Variants in RAPGEF6 observed in about 807,000 individuals in gnomAD.
RAPGEF6 encodes PDZ domain containing guanine nucleotide exchange factor (GEF) 2.
In RAPGEF6, 56 loss-of-function variants were observed where a neutral mutation model predicts 171.4. That is an observed-to-expected ratio of 0.33 (90% CI 0.26 to 0.41). The LOEUF (loss-of-function observed/expected upper bound fraction) is 0.41, where lower values mean the gene tolerates loss of function less well. Among genes scored for constraint, RAPGEF6 ranks in the 10% least tolerant of loss-of-function variants. The pLI is 1.00. For synonymous variants in RAPGEF6, 692 were observed against 650.1 expected (o/e 1.06, Z -0.98); for missense variants, 1,674 against 1,921.4 (o/e 0.87, Z 2.41).
chr5:131,450,380 T>C (rs188163537), intron 21 of RAPGEF6, among the ~76,000 whole-genome samples: 115 of 152,290 alleles, frequency 7.6e-4, no homozygotes, highest in South Asian at 6.4e-3. Flanking sequence ...GAATTCAAAG[T>C]TTTTAAGGGA....
chr5:131,508,707 G>A (rs1326538830), intron 8 of RAPGEF6, among the ~76,000 whole-genome samples: 1 of 152,168 alleles, frequency 6.6e-6, no homozygotes, highest in Non-Finnish European at 1.5e-5. Context: ...AAATGTTTAT[G>A]AGTGCCTCAG....
At chr5:131,557,274 G>A (rs1474632667) in intron 5 of RAPGEF6, among the ~76,000 whole-genome samples, 21 of 152,004 alleles carry the variant, frequency 1.4e-4, no homozygotes, top group Admixed American at 1.4e-3. Flanking sequence ...AACTTTTTAA[G>A]GTTTTCTGTG....
intron 17 of RAPGEF6, among the ~76,000 whole-genome samples, chr5:131,470,037 T>A (rs1023979448): frequency 1.3e-5 from 2 of 152,198 alleles, no homozygotes; most frequent in African/African-American, 4.8e-5. Flanking sequence ...ATTTTTGTGT[T>A]GTATAAATTA....
At chr5:131,605,114 TC>T (rs1166944117) in intron 1 of RAPGEF6, among the ~76,000 whole-genome samples, 1 of 152,218 alleles carries the variant, frequency 6.6e-6, no homozygotes, top group Non-Finnish European at 1.5e-5. Context: ...AGAATTTCTT[TC>T]TAAAGAGACT....
intron 5 of RAPGEF6, among the ~76,000 whole-genome samples, chr5:131,548,600 A>T (rs182291089): frequency 4.1e-4 from 62 of 152,366 alleles, no homozygotes; most frequent in African/African-American, 1.4e-3. Flanking sequence ...TAAAACAAGA[A>T]AACTTTATGC....
intron 21 of RAPGEF6, among the ~76,000 whole-genome samples, 188 bp downstream of exon 21, chr5:131,452,866 A>AT (rs1753198379): frequency 6.6e-6 from 1 of 152,254 alleles, no homozygotes; most frequent in Admixed American, 6.5e-5. Flanking sequence ...CTTAATATGT[A>AT]TAACGAAGGC....
At chr5:131,618,970 C>T (rs1312961228) in intron 1 of RAPGEF6, among the ~76,000 whole-genome samples, 1 of 151,264 alleles carries the variant, frequency 6.6e-6, no homozygotes, top group African/African-American at 2.4e-5. Context: ...GAGAAAACAA[C>T]CAGATGAATC....
At chr5:131,527,303 C>CAA (rs749579004) in intron 6 of RAPGEF6, among the ~76,000 whole-genome samples, 6 of 151,428 alleles carry the variant, frequency 4.0e-5, no homozygotes, top group African/African-American at 7.3e-5. Context: ...ACAACAACAA[C>CAA]AAAAAAAAAC....
rs528948337 is a variant in RAPGEF6 at position 131,449,968 on chromosome 5, T to C, written c.3200+3086A>G. On this transcript the variant is annotated intron_variant, in intron 21 of 27. Coordinates refer to ENST00000509018, the MANE Select transcript of RAPGEF6 (RefSeq NM_016340.6). ...GCGTGCATTAATGAAAAGGATGCAA[T>C]ATATGTTAAGAGTCGCACAACCTTC... 5.4e-6 allele frequency: 8 copies of C among 1,484,004 alleles called. No homozygotes were observed. In the Admixed American group the frequency reaches 5.9e-5, roughly 11 times the overall value. The allele number at this position is 1,484,004 out of a possible 1,614,324, so 91.9% of individuals were successfully genotyped here. A position where few individuals can be genotyped will look rare whatever the true frequency, so the allele number is the denominator to read the frequency against.
At chr5:131,572,153 C>T (rs185235632) in intron 4 of RAPGEF6, among the ~76,000 whole-genome samples, 6 of 152,214 alleles carry the variant, frequency 3.9e-5, no homozygotes, top group African/African-American at 1.4e-4. Flanking sequence ...CTTATATGGA[C>T]GTGCGTAACA....
intron 4 of RAPGEF6, among the ~76,000 whole-genome samples, chr5:131,565,221 T>C (rs1761859966): frequency 6.6e-6 from 1 of 151,280 alleles, no homozygotes; most frequent in Admixed American, 6.6e-5. Context: ...CAAAAATCAA[T>C]TGTTTTATTG....
intron 15 of RAPGEF6, among the ~76,000 whole-genome samples, chr5:131,487,980 T>C (rs1405851567): frequency 3.9e-5 from 6 of 152,208 alleles, no homozygotes; most frequent in Non-Finnish European, 8.8e-5. Flanking sequence ...TAAACTGAGA[T>C]TGCCAGCTGT....
At chr5:131,468,707 T>C (rs1468303) in intron 17 of RAPGEF6, among the ~76,000 whole-genome samples, 33,496 of 152,076 alleles carry the variant, frequency 0.22, 4,023 homozygotes, top group East Asian at 0.49. Flanking sequence ...GTGAGACAGA[T>C]TAAGCCTCCA....
intron 4 of RAPGEF6, among the ~76,000 whole-genome samples, chr5:131,572,418 G>C (rs547411361): frequency 1.3e-5 from 2 of 152,222 alleles, no homozygotes; most frequent in East Asian, 3.9e-4. Flanking sequence ...TCCAGGTAGA[G>C]ACAAAAAGGA....
At position 131,615,743 on chromosome 5, in the gene RAPGEF6, T is replaced by C. The variant is rs1765224778; in HGVS notation, c.70-11050A>G. 3.3e-5 allele frequency among the ~76,000 whole-genome samples: 5 copies of C among 151,948 alleles called. No individual in the cohort carries two copies. The South Asian group carries it at 1.0e-3, about 32-fold the overall frequency. ...GGCAAAACCCCGTCTCTACTAAAAA[T>C]ACAAAAAAATTAGCTGGGCATGGTG... On this transcript the variant is annotated intron_variant, in intron 1 of 27. Transcript: ENST00000509018.
rs758966763 is a variant in RAPGEF6 at position 131,479,733 on chromosome 5, T to G, written c.1861A>C (p.Arg621=). The G allele has an allele frequency of 1.2e-6, 2 of 1,613,904 alleles. No individual in the cohort carries two copies. The highest frequency in any genetic ancestry group is 2.2e-5 in the South Asian group (2 of 91,068). The change falls in exon 16 of 28, where the codon AGG becomes CGG. Residue 621 remains arginine (R), a synonymous_variant. Coordinates refer to ENST00000509018, the MANE Select transcript of RAPGEF6 (RefSeq NM_016340.6). ...ACACCAGATTTCTCTTGTTCAGTCC[T>G]AAAAAGTAACTCTTTGAACACTGTG... is the stretch of plus-strand genomic sequence containing the variant. ...NIFVFKELLF[R]TEQEKSGVPH...
At chr5:131,540,716 A>G (rs1034862090) in intron 6 of RAPGEF6, among the ~76,000 whole-genome samples, 1 of 152,250 alleles carries the variant, frequency 6.6e-6, no homozygotes, top group Non-Finnish European at 1.5e-5. Context: ...TCACATTTCT[A>G]TAAAAATGAG....
intron 1 of RAPGEF6, among the ~76,000 whole-genome samples, chr5:131,622,261 T>G (rs1413221369): frequency 6.6e-6 from 1 of 152,226 alleles, no homozygotes; most frequent in Non-Finnish European, 1.5e-5. Context: ...TTTGGAAGTT[T>G]AGACACTTAA....
chr5:131,599,237 G>T (rs994002946), intron 3 of RAPGEF6, among the ~76,000 whole-genome samples: 5 of 152,078 alleles, frequency 3.3e-5, no homozygotes, highest in African/African-American at 9.7e-5. Flanking sequence ...TGAGGCATGA[G>T]AATCGCTTGA....
Sources: allele counts gnomAD v4.1 joint callset (sites outside exome capture counted in the v4.1 genomes callset), GRCh38; gene constraint gnomAD v4.1.1; transcripts MANE v1.5; gene names NCBI Gene and HGNC (gene_info 2026-07-23, HGNC 2026-07-21).